CLEC16A: variants seen among roughly 807,000 people sequenced by gnomAD.
CLEC16A encodes the protein C-type lectin domain containing 16A, also known as protein CLEC16A.
CLEC16A carries 51 observed loss-of-function variants against 109.5 expected under a neutral mutation model. That is an observed-to-expected ratio of 0.47 (90% CI 0.37 to 0.59). The LOEUF (loss-of-function observed/expected upper bound fraction) is 0.59. Among genes scored for constraint, CLEC16A ranks in the 20% least tolerant of loss-of-function variants. CLEC16A has a pLI of 0.00. For synonymous variants in CLEC16A, 673 were observed against 564.2 expected, an observed-to-expected ratio of 1.19 and a Z score of -2.73; for missense variants, 1,339 against 1,394.0, an observed-to-expected ratio of 0.96 and a Z score of 0.63.
At chr16:11,079,768 C>T (rs2049596703) in intron 19 of CLEC16A, among the ~76,000 whole-genome samples, 1 of 152,202 alleles carries the variant, frequency 6.6e-6, no homozygotes, top group Non-Finnish European at 1.5e-5. Flanking sequence ...TAAAACTCGA[C>T]TCTCTCCCAG....
intron 22 of CLEC16A, among the ~76,000 whole-genome samples, chr16:11,131,811 C>T (rs562897382): frequency 6.6e-6 from 1 of 152,316 alleles, no homozygotes; most frequent in South Asian, 2.1e-4. Flanking sequence ...CTGGGATCAG[C>T]TCCCAGCCCT....
chr16:10,954,389 C>T lies in CLEC16A; in HGVS notation c.81-3393C>T, dbSNP rs184227603. On this transcript the variant is annotated intron_variant, in intron 1 of 23. Transcript: ENST00000409790. This position sits in a 1 kb window ranked among gnomAD's most constrained non-coding sequence, Gnocchi z 4.2. Reference sequence around the variant, plus strand: ...GGACTTACCGCCCTGCCCTCTCTGCCTATAAGGGCCTTCTGGTAGTTACTA... The same window carrying T: ...GGACTTACCGCCCTGCCCTCTCTGCTTATAAGGGCCTTCTGGTAGTTACTA... Among the ~76,000 whole-genome samples, 262 of 152,224 alleles carry T rather than the reference C, an allele frequency of 1.7e-3. 2 individuals are homozygous for T. The highest frequency in any genetic ancestry group is 6.0e-3 in the African/African-American group (250 of 41,522).
intron 10 of CLEC16A, among the ~76,000 whole-genome samples, chr16:10,993,145 A>C (rs2044130770): frequency 6.6e-6 from 1 of 152,146 alleles, no homozygotes; most frequent in African/African-American, 2.4e-5. Flanking sequence ...TAATCCCACC[A>C]CTTTGGGAGG....
At chr16:11,111,509 G>A (rs2051583077) in intron 19 of CLEC16A, among the ~76,000 whole-genome samples, 3 of 152,222 alleles carry the variant, frequency 2.0e-5, no homozygotes, top group Admixed American at 2.0e-4. Flanking sequence ...CAGGTTCAAG[G>A]AGAAGGGTAG....
At chr16:11,004,301 C>T (rs956201106) in intron 11 of CLEC16A, among the ~76,000 whole-genome samples, 34 of 152,264 alleles carry the variant, frequency 2.2e-4, no homozygotes, top group African/African-American at 7.7e-4. Context: ...GGTCTCTGCC[C>T]GTCGTCCTGG....
At chr16:11,075,412 C>CTGTGTGTGTGTGTGTGTATGTG (rs375261875) in intron 19 of CLEC16A, among the ~76,000 whole-genome samples, 40 of 120,544 alleles carry the variant, frequency 3.3e-4, no homozygotes, top group African/African-American at 1.1e-3. Flanking sequence ...GTGTGTGTGT[C>CTGTGTGTGTGTGTGTGTATGTG]TGTGTGTGTG....
At chr16:11,169,963 A>G (rs1387554210) in intron 23 of CLEC16A, among the ~76,000 whole-genome samples, 1 of 152,180 alleles carries the variant, frequency 6.6e-6, no homozygotes, top group East Asian at 1.9e-4. Flanking sequence ...CACATTGTAC[A>G]GTAGAAAACA....
rs141877056 is a variant in CLEC16A at position 11,143,946 on chromosome 16, T to C, written c.2641+17800T>C. Among the ~76,000 whole-genome samples the C allele has an allele frequency of 3.5e-4, 54 of 152,218 alleles. No individual in the cohort carries two copies. The Middle Eastern group carries it at 0.01, about 29-fold the overall frequency. ...CTGTGTTCTCATTTTTTATTCTTAT[T>C]CCCTATCCTGTGTTGTTACTGATAA... On this transcript the variant is annotated intron_variant, in intron 22 of 23. Transcript: ENST00000409790.
intron 10 of CLEC16A, among the ~76,000 whole-genome samples, chr16:10,991,423 CAAAAAAA>C (rs756161193): frequency 0.021 from 1,335 of 63,406 alleles, 29 homozygotes; most frequent in Middle Eastern, 0.069. Flanking sequence ...GACTCCGTCT[CAAAAAAA>C]AAAAAAAAAA....
chr16:10,969,079 C>G, intron 3 of CLEC16A, 82 bp from the exon 4 acceptor site: 2 of 1,167,900 alleles, frequency 1.7e-6, no homozygotes, highest in Non-Finnish European at 2.4e-6. Context: ...GATTCAAGTA[C>G]ATTAACGTGG....
chr16:11,042,153 C>G (rs989285696), intron 14 of CLEC16A, 101 bp from the exon 15 acceptor site: 1 of 816,982 alleles, frequency 1.2e-6, no homozygotes, highest in Non-Finnish European at 2.0e-6. Context: ...AGCAGTTGGT[C>G]TATCATGTGA....
intron 11 of CLEC16A, among the ~76,000 whole-genome samples, chr16:11,012,503 G>C (rs2045483823): frequency 6.8e-6 from 1 of 148,036 alleles, no homozygotes; most frequent in South Asian, 2.2e-4. Flanking sequence ...GCTGAGGCAG[G>C]AGAATGGCGT....
chr16:11,036,401 C>G (rs189247709), intron 13 of CLEC16A, among the ~76,000 whole-genome samples: 23 of 152,258 alleles, frequency 1.5e-4, no homozygotes, highest in Non-Finnish European at 2.8e-4. Context: ...AAGGCAAACT[C>G]CTGTTCATCC....
chr16:10,972,830 CT>C, intron 6 of CLEC16A, 107 bp from the exon 7 acceptor site: 1 of 1,186,636 alleles, frequency 8.4e-7, no homozygotes. Flanking sequence ...TAGCAGAGGG[CT>C]TTTTCATTGT....
chr16:11,165,789 C>T (rs577199232), intron 22 of CLEC16A, among the ~76,000 whole-genome samples: 5 of 152,250 alleles, frequency 3.3e-5, no homozygotes, highest in South Asian at 4.1e-4. Flanking sequence ...CTCCAGGTCC[C>T]GGAGATGCTG....
At chr16:11,104,109 G>C (rs1322551516) in intron 19 of CLEC16A, among the ~76,000 whole-genome samples, 1 of 152,054 alleles carries the variant, frequency 6.6e-6, no homozygotes, top group African/African-American at 2.4e-5. Flanking sequence ...GGTGAGTTTT[G>C]TTTTGGGGGG....
intron 13 of CLEC16A, among the ~76,000 whole-genome samples, chr16:11,038,564 AG>A (rs890190317): frequency 6.6e-6 from 1 of 152,138 alleles, no homozygotes; most frequent in Non-Finnish European, 1.5e-5. Flanking sequence ...AAATGACAAC[AG>A]GGCTCAAAGT....
chr16:11,157,810 T>G (rs1281638568), intron 22 of CLEC16A, among the ~76,000 whole-genome samples: 2 of 152,220 alleles, frequency 1.3e-5, no homozygotes, highest in Admixed American at 6.5e-5. Flanking sequence ...TTGGGCCCTG[T>G]GCCCTGTCTT....
At chr16:11,137,587 T>TAAAA (rs5815617) in intron 22 of CLEC16A, among the ~76,000 whole-genome samples, 3 of 59,336 alleles carry the variant, frequency 5.1e-5, no homozygotes, top group East Asian at 4.7e-4. Context: ...AGACTCCATC[T>TAAAA]AAAAAAAAAA....
Sources: gnomAD v4.1 joint callset for allele counts (sites outside exome capture counted in the v4.1 genomes callset) on GRCh38, gnomAD v4.1.1 for gene constraint, Gnocchi (gnomAD v3.1) non-coding constraint, MANE v1.5 for transcripts, NCBI Gene and HGNC (gene_info 2026-07-23, HGNC 2026-07-21) for gene names.